ISY1: variants seen among roughly 807,000 people sequenced by gnomAD.
The protein encoded by ISY1 is pre-mRNA-splicing factor ISY1 homolog.
In ISY1, 12 loss-of-function variants were observed where a neutral mutation model predicts 54.4. The observed-to-expected ratio is 0.22, with a 90% confidence interval of 0.14 to 0.36. ISY1 has a LOEUF of 0.36. Among genes scored for constraint, ISY1 ranks in the 10% least tolerant of loss-of-function variants. ISY1 has a pLI of 1.00. For synonymous variants in ISY1, 96 were observed against 117.9 expected (o/e 0.81, Z 1.20); for missense variants, 282 against 342.2 (o/e 0.82, Z 1.39).
chr3:129,137,811 CT>C (rs1936465916), intron 7 of ISY1, among the ~76,000 whole-genome samples: 1 of 145,392 alleles, frequency 6.9e-6, no homozygotes, highest in Admixed American at 7.1e-5. Flanking sequence ...ACTCGGGAGG[CT>C]GAGGCAGGAG....
In ISY1 at chr3:129,159,051, C is replaced by T; in HGVS notation, c.26+103G>A. The T allele has an allele frequency of 1.4e-6, 2 of 1,421,340 alleles. 1 individual carries two copies. The highest frequency in any genetic ancestry group is 1.9e-6 in the Non-Finnish European group (2 of 1,031,880). 88.0% of individuals were successfully genotyped at this position (1,421,340 alleles called of 1,614,324 possible). On this transcript the variant is annotated intron_variant, in intron 2 of 10. Coordinates refer to ENST00000393295, the MANE Select transcript of ISY1 (RefSeq NM_020701.4). ...ATAACATATGTAAAGAAAGAAACAGCTTCTCAAAAGGCTCAGATACCAAAA... is the reference window on the plus strand; with the variant it reads ...ATAACATATGTAAAGAAAGAAACAGTTTCTCAAAAGGCTCAGATACCAAAA...
At chr3:129,138,517 G>A (rs1254789129) in intron 7 of ISY1, among the ~76,000 whole-genome samples, 2 of 152,038 alleles carry the variant, frequency 1.3e-5, no homozygotes, top group African/African-American at 4.8e-5. Context: ...GGTGGCAGAT[G>A]CCTGTAGTCC....
At chr3:129,138,888 T>A (rs976199923) in intron 7 of ISY1, among the ~76,000 whole-genome samples, 4 of 151,706 alleles carry the variant, frequency 2.6e-5, no homozygotes, top group Admixed American at 1.3e-4. Flanking sequence ...AATCATCACA[T>A]ATGAGGTGTG....
chr3:129,136,126 T>C (rs1490055692), intron 7 of ISY1, among the ~76,000 whole-genome samples: 3 of 151,832 alleles, frequency 2.0e-5, no homozygotes, highest in Admixed American at 2.0e-4. Flanking sequence ...TTTTTTGAGA[T>C]GGAATTTCGC....
intron 1 of ISY1, among the ~76,000 whole-genome samples, chr3:129,160,229 A>T (rs984935647): frequency 1.3e-5 from 2 of 152,008 alleles, no homozygotes; most frequent in African/African-American, 4.8e-5. Flanking sequence ...ATGGCTTCCA[A>T]TATATCTCTT....
intron 9 of ISY1, among the ~76,000 whole-genome samples, chr3:129,131,781 G>C (rs933474562): frequency 3.4e-4 from 52 of 152,280 alleles, no homozygotes; most frequent in Admixed American, 3.0e-3. Context: ...GAACAGGTTA[G>C]GGTTCAGCTA....
chr3:129,152,555 C>T (rs531092806), intron 5 of ISY1, among the ~76,000 whole-genome samples: 2 of 152,274 alleles, frequency 1.3e-5, no homozygotes, highest in Admixed American at 6.5e-5. Context: ...AGGCACCTGC[C>T]ACCACGCCCG....
At chr3:129,158,616 C>T in intron 2 of ISY1, 57 bp from the exon 3 acceptor site, 1 of 1,610,372 alleles carries the variant, frequency 6.2e-7, no homozygotes, top group Non-Finnish European at 8.5e-7. Context: ...ACAGACTTCT[C>T]ATTACCCATG....
At chr3:129,147,771 T>C (rs1212827842) in intron 5 of ISY1, among the ~76,000 whole-genome samples, 1 of 152,088 alleles carries the variant, frequency 6.6e-6, no homozygotes, top group Non-Finnish European at 1.5e-5. Context: ...TATGCATCAC[T>C]ATAGTCAACC....
rs777730086 is a variant in ISY1, at chr3:129,145,717, G to A, written c.300+44C>T. On this transcript the variant is annotated intron_variant, in intron 6 of 10. Transcript: ENST00000393295. ...GAATGAGCTGGGAACTGCTGTGGGT[G>A]GAAAACTAGACAAGACCCGCCACTG... 8.2e-6 allele frequency: 13 copies of A among 1,591,188 alleles called. No individual in the cohort carries two copies. The Admixed American group carries it at 8.5e-5, about 10-fold the overall frequency.
At chr3:129,139,769 A>C (rs1936553069) in intron 7 of ISY1, among the ~76,000 whole-genome samples, 1 of 151,932 alleles carries the variant, frequency 6.6e-6, no homozygotes, top group African/African-American at 2.4e-5. Context: ...CAGTCTCCTG[A>C]GTAGCTGGGA....
intron 6 of ISY1, among the ~76,000 whole-genome samples, chr3:129,145,067 T>C (rs1179354479): frequency 6.6e-6 from 1 of 152,100 alleles, no homozygotes; most frequent in Non-Finnish European, 1.5e-5. Context: ...TGTGCTACTA[T>C]GCCTAGCTGA....
At chr3:129,147,146 G>C (rs1304539393) in intron 5 of ISY1, among the ~76,000 whole-genome samples, 1 of 152,034 alleles carries the variant, frequency 6.6e-6, no homozygotes, top group Admixed American at 6.6e-5. Flanking sequence ...AGGCAGAGGA[G>C]GGCAGATCAC....
chr3:129,149,669 A>G (rs1247165631), intron 5 of ISY1, among the ~76,000 whole-genome samples: 3 of 138,770 alleles, frequency 2.2e-5, no homozygotes, highest in African/African-American at 8.0e-5. Flanking sequence ...ATGGTGGCAC[A>G]CACTTGTAGT....
intron 9 of ISY1, among the ~76,000 whole-genome samples, chr3:129,133,169 A>G (rs1366695910): frequency 6.6e-6 from 1 of 152,228 alleles, no homozygotes; most frequent in Non-Finnish European, 1.5e-5. Context: ...AGTTTTGGTA[A>G]TGTTTCATAG....
In ISY1 at chr3:129,129,862, T is replaced by C. The variant is rs549969768; in HGVS notation, c.*219A>G. 2.5e-6 allele frequency: 1 copy of C among 404,682 alleles called. No individual in the cohort carries two copies. The highest frequency in any genetic ancestry group is 4.4e-6 in the Non-Finnish European group (1 of 229,392). 25.1% of individuals were successfully genotyped at this position (404,682 alleles called of 1,614,324 possible). A position where few individuals can be genotyped will look rare whatever the true frequency, so the allele number is the denominator to read the frequency against. ...GCAACCTGTTGTATACACTCCACAA[T>C]AAAAATAAATGGATCCACACAGTAG... is the stretch of plus-strand genomic sequence containing the variant. On this transcript the variant is annotated 3_prime_UTR_variant, in exon 11 of 11. Transcript: ENST00000393295.
At chr3:129,131,993 C>T (rs1040141395) in intron 9 of ISY1, among the ~76,000 whole-genome samples, 4 of 152,098 alleles carry the variant, frequency 2.6e-5, no homozygotes, top group Admixed American at 2.6e-4. Flanking sequence ...CCACACCTAG[C>T]TAATTGTTTT....
At chr3:129,151,121 C>CAA (rs924271437) in intron 5 of ISY1, among the ~76,000 whole-genome samples, 1 of 120,908 alleles carries the variant, frequency 8.3e-6, no homozygotes, top group African/African-American at 3.3e-5. Flanking sequence ...GACTCTGTCT[C>CAA]AAAAAAAAAT....
rs763265105 is a variant in ISY1, at chr3:129,156,903, C to T, written c.96G>A (p.Leu32=). Residue 32 remains leucine (L), a synonymous_variant, in exon 4 of 11, where the codon CTG becomes CTA. Coordinates refer to ENST00000393295, the MANE Select transcript of ISY1 (RefSeq NM_020701.4). ...TAGGCAGTTCAGTACATTCTGAGGC[C>T]AGAAAGGGTCTTCGTTCCTAAGGAG... ...EGKVKERRPF[L]ASECTELPKA... The T allele has an allele frequency of 2.7e-5, 43 of 1,613,854 alleles. No individual in the cohort carries two copies. The highest frequency in any genetic ancestry group is 3.5e-5 in the Non-Finnish European group (41 of 1,179,982).
Sources: allele counts gnomAD v4.1 joint callset (sites outside exome capture counted in the v4.1 genomes callset), GRCh38; gene constraint gnomAD v4.1.1; transcripts MANE v1.5; gene names NCBI Gene and HGNC (gene_info 2026-07-23, HGNC 2026-07-21).